The following UBN1 variants were observed in gnomAD, a reference collection of about 807,000 sequenced individuals.
UBN1 encodes ubinuclein 1, also known as ubinuclein-1.
UBN1 carries 17 observed loss-of-function variants against 108.5 expected under a neutral mutation model. The observed-to-expected ratio is 0.16, with a 90% CI of 0.11 to 0.24. UBN1 has a LOEUF of 0.24. UBN1 is among the 10% of genes least tolerant of loss of function. The probability of loss-of-function intolerance (pLI) is 1.00; values close to 1 mark genes in which losing one functional copy is unlikely to be tolerated. For missense variants in UBN1, 1,595 were observed against 1,394.4 expected (o/e 1.14, Z -2.29); for synonymous variants, 726 against 564.2 (o/e 1.29, Z -4.07).
chr16:4,858,396 C>T (rs563379963), intron 3 of UBN1, among the ~76,000 whole-genome samples, 172 bp from the exon 4 acceptor site: 1 of 152,050 alleles, frequency 6.6e-6, no homozygotes, highest in Non-Finnish European at 1.5e-5. Context: ...CAAATATGTT[C>T]TATGTTAAAA....
At chr16:4,872,391 G>A (rs1461433125) in intron 12 of UBN1, 2 of 973,630 alleles carry the variant, frequency 2.1e-6, no homozygotes, top group South Asian at 4.8e-5. Flanking sequence ...CAGCCAGTGT[G>A]TCCCATTGAG....
Position 4,874,540 on chromosome 16 carries a change from A to C in UBN1, c.2130A>C (p.Leu710Phe), listed in dbSNP as rs1258806420. 1.7e-5 allele frequency: 28 copies of C among 1,614,206 alleles called. No individual in the cohort carries two copies. The highest frequency in any genetic ancestry group is 2.4e-5 in the Non-Finnish European group (28 of 1,180,024). The change falls in exon 15 of 18, where the codon TTA becomes TTC. Residue 710 changes from leucine to phenylalanine, a missense_variant. By Grantham distance (22) the Leu-to-Phe change is conservative (BLOSUM62 0). Around this residue, in one of 3 missense-constraint regions of UBN1, gnomAD observed 1,398 missense variants for 1,194.7 expected, o/e 1.17. Transcript: ENST00000262376. Reference protein sequence around the residue: ...KAPAEKVGGVLCTEEKRNFAK... With the variant: ...KAPAEKVGGVFCTEEKRNFAK... ...CTGCAGAAAAAGTTGGAGGCGTTTT[A>C]TGTACAGAAGAAAAAAGGAACTTTG...
At chr16:4,852,811 C>G (rs1360138676) in intron 1 of UBN1, 68 bp from the exon 2 acceptor site, 1 of 1,394,754 alleles carries the variant, frequency 7.2e-7, no homozygotes, top group Non-Finnish European at 9.7e-7. Context: ...ACTTAAATCT[C>G]TTTAATTAGG....
At chr16:4,869,195 G>T (rs1191629786) in intron 8 of UBN1, among the ~76,000 whole-genome samples, 1 of 152,208 alleles carries the variant, frequency 6.6e-6, no homozygotes, top group Non-Finnish European at 1.5e-5. Context: ...TTCTTGGCAG[G>T]TATGAGATGA....
intron 17 of UBN1, among the ~76,000 whole-genome samples, chr16:4,879,436 T>G (rs2088012753): frequency 6.6e-6 from 1 of 152,204 alleles, no homozygotes; most frequent in South Asian, 2.1e-4. Context: ...GGCAACATAG[T>G]GAGACCTCAT....
chr16:4,870,145 C>T (rs780388282), intron 8 of UBN1, 67 bp from the exon 9 acceptor site: 130 of 1,603,304 alleles, frequency 8.1e-5, no homozygotes, highest in African/African-American at 3.7e-4. Context: ...TCTCCACGTA[C>T]GGTGAGCTGA....
At chr16:4,857,335 A>G (rs1338959604) in intron 2 of UBN1, among the ~76,000 whole-genome samples, 12 of 148,026 alleles carry the variant, frequency 8.1e-5, no homozygotes, top group African/African-American at 2.8e-4. Flanking sequence ...TGAGTGACAG[A>G]GTGAGACTCT....
rs771941344 is a variant in UBN1, at chr16:4,859,875, T to G, written c.578T>G (p.Leu193Trp). ...GTCTTTAATTCTCAGAAGCGGAAGTTGAAGGAAGGTGGTGAGAAGATAAAG... is the reference window on the plus strand; with the variant it reads ...GTCTTTAATTCTCAGAAGCGGAAGTGGAAGGAAGGTGGTGAGAAGATAAAG... The part of the protein sequence containing the change: ...KKKKSPKKRK[L>W]KEGGEKIKKK... Residue 193 changes from leucine (L) to tryptophan (W), a missense_variant, in exon 6 of 18, where the codon TTG becomes TGG. Physicochemically the swap from Leu to Trp is moderately conservative, Grantham distance 61. Around this residue, in one of 3 missense-constraint regions of UBN1, gnomAD observed 1,398 missense variants for 1,194.7 expected, o/e 1.17. Coordinates refer to ENST00000262376, the MANE Select transcript of UBN1 (RefSeq NM_001079514.3). 1.2e-5 allele frequency: 20 copies of G among 1,613,786 alleles called. No homozygotes were observed. Among genetic ancestry groups the G allele is most frequent in the Non-Finnish European group, 1.7e-5 (20 of 1,179,950 alleles).
chr16:4,877,824 T>C lies in UBN1; in HGVS notation c.3355+350T>C. 1 of 1,021,658 alleles carries C rather than the reference T, an allele frequency of 9.8e-7. No individual in the cohort carries two copies. Among genetic ancestry groups the C allele is most frequent in the Non-Finnish European group, 1.2e-6 (1 of 855,140 alleles). The allele number at this position is 1,021,658 out of a possible 1,614,324, so 63.3% of individuals were successfully genotyped here. ...AAAAAAAAAAAAAAAGGGAAGGTAA[T>C]GGTGCATCTTCTCCAAGGGCTAATT... is the stretch of plus-strand genomic sequence containing the variant. On this transcript the variant is annotated intron_variant, in intron 17 of 17. Transcript: ENST00000262376. The surrounding 1 kb of genome is among the most constrained non-coding windows in gnomAD (Gnocchi z 4.3).
At chr16:4,871,051 G>A (rs1316777771) in intron 11 of UBN1, 79 bp downstream of exon 11, 2 of 1,603,582 alleles carry the variant, frequency 1.2e-6, no homozygotes, top group Non-Finnish European at 1.7e-6. Context: ...GCTGACAAAG[G>A]TTAGGCTCAT....
chr16:4,851,832 GAAAA>G (rs1463434657), intron 1 of UBN1, among the ~76,000 whole-genome samples: 1 of 151,468 alleles, frequency 6.6e-6, no homozygotes, highest in African/African-American at 2.4e-5. Context: ...AAAAAAAAAA[GAAAA>G]AAGTTAACAT....
rs116806765 is a variant in UBN1 at position 4,859,459 on chromosome 16, G to A, written c.567+300G>A. Among the ~76,000 whole-genome samples, 832 of 152,302 alleles carry A rather than the reference G, an allele frequency of 5.5e-3. 8 individuals carry two copies. The highest frequency in any genetic ancestry group is 0.019 in the African/African-American group (793 of 41,558). ...GGAAGGCTGTGGAATGAGGGAATGTGTACCACTCTTGCTGACCCTCTTCTG... is the reference window on the plus strand; with the variant it reads ...GGAAGGCTGTGGAATGAGGGAATGTATACCACTCTTGCTGACCCTCTTCTG... On this transcript the variant is annotated intron_variant, in intron 5 of 17. Coordinates refer to ENST00000262376, the MANE Select transcript of UBN1 (RefSeq NM_001079514.3).
chr16:4,853,289 C>T (rs558694390), intron 2 of UBN1, 123 bp downstream of exon 2: 2 of 1,351,992 alleles, frequency 1.5e-6, no homozygotes, highest in Non-Finnish European at 2.0e-6. Flanking sequence ...AAGATCCTGT[C>T]ACTCACTCAA....
chr16:4,870,204 T>C lies in UBN1; in HGVS notation c.1182-8T>C. On this transcript the variant is annotated splice_region_variant and splice_polypyrimidine_tract_variant and intron_variant, in intron 8 of 17. Transcript: ENST00000262376. ...TGCAGCCGGTGGTGACTGTGTTTTG[T>C]TCTTCAGCATAGAGGCGCAGACTCG... is the stretch of plus-strand genomic sequence containing the variant. The C allele has an allele frequency of 6.2e-7, 1 of 1,614,148 alleles. No homozygotes were observed.
At position 4,853,205 on chromosome 16, in the gene UBN1, G is replaced by A. The variant is rs375041211; in HGVS notation, c.249+39G>A. On this transcript the variant is annotated intron_variant, in intron 2 of 17. Transcript: ENST00000262376. ...TTCCCAGAGGCGCTGCAGGTTTAAC[G>A]CACAGGGGTCAGTGCATGCATGTGG... is the stretch of plus-strand genomic sequence containing the variant. 1.9e-5 allele frequency: 30 copies of A among 1,608,134 alleles called. No homozygotes were observed. The East Asian group carries it at 4.7e-4, about 25-fold the overall frequency.
Position 4,858,016 on chromosome 16 carries a change from T to C in UBN1, c.276T>C (p.Asn92=). Residue 92 remains asparagine (N), a synonymous_variant, in exon 3 of 18, where the codon AAT becomes AAC. Transcript: ENST00000262376. ...DKKKDLSDPF[N]DEEKERHKVE... ...AGAAAGATCTGTCAGATCCTTTCAA[T>C]GACGAAGAAAAGGAAAGGCATAAAG... 6.2e-7 allele frequency: 1 copy of C among 1,613,300 alleles called. No individual in the cohort carries two copies. Among genetic ancestry groups the C allele is most frequent in the Non-Finnish European group, 8.5e-7 (1 of 1,179,770 alleles).
intron 3 of UBN1, 34 bp downstream of exon 3, chr16:4,858,110 C>T: frequency 6.9e-7 from 1 of 1,443,864 alleles, no homozygotes. Flanking sequence ...AAAACAACCT[C>T]ATTGGGTGGG....
rs756419692 is a variant in UBN1, at chr16:4,870,829, C to G, written c.1431-15C>G. The G allele has an allele frequency of 6.2e-7, 1 of 1,613,278 alleles. No individual in the cohort carries two copies. The highest frequency in any genetic ancestry group is 1.1e-5 in the South Asian group (1 of 90,996). ...GAGCACCTTGGGGCCCCATGTAATT[C>G]TATTCACCCCGTAGGATGCTGGAAG... On this transcript the variant is annotated splice_polypyrimidine_tract_variant and intron_variant, in intron 10 of 17. Coordinates refer to ENST00000262376, the MANE Select transcript of UBN1 (RefSeq NM_001079514.3).
At chr16:4,880,002 C>G in intron 17 of UBN1, 81 bp from the exon 18 acceptor site, 9 of 1,503,892 alleles carry the variant, frequency 6.0e-6, no homozygotes, top group Non-Finnish European at 8.3e-6. Flanking sequence ...AGGTGTCTCC[C>G]TTGAAGTTTG....
Sources: allele counts gnomAD v4.1 joint callset (sites outside exome capture counted in the v4.1 genomes callset), GRCh38; gene constraint gnomAD v4.1.1; regional missense constraint gnomAD v4.1.1; non-coding constraint Gnocchi (gnomAD v3.1); transcripts MANE v1.5; gene names NCBI Gene and HGNC (gene_info 2026-07-23, HGNC 2026-07-21).